The following FRMD6 variants were observed in gnomAD, a reference collection of about 807,000 sequenced individuals.
FRMD6 encodes the protein FERM domain containing 6, also known as FERM domain-containing protein 6.
FRMD6 carries 37 observed loss-of-function variants against 73.2 expected under a neutral mutation model. The observed-to-expected ratio is 0.51, with a 90% confidence interval of 0.39 to 0.66. The LOEUF is 0.66. Among genes scored for constraint, FRMD6 ranks in the 30% least tolerant of loss-of-function variants. The pLI, the probability that FRMD6 is intolerant of heterozygous loss-of-function variation, is 0.00. For synonymous variants in FRMD6, 273 were observed against 282.2 expected (o/e 0.97, Z 0.33); for missense variants, 714 against 780.5 (o/e 0.91, Z 1.02).
intron 1 of FRMD6, among the ~76,000 whole-genome samples, chr14:51,561,405 T>G (rs963373652): frequency 6.6e-6 from 1 of 152,190 alleles, no homozygotes; most frequent in Non-Finnish European, 1.5e-5. Context: ...GGAAGGGACC[T>G]CCTTTGTACT....
the FRMD6 span, among the ~76,000 whole-genome samples, chr14:51,467,111 G>C: frequency 6.6e-6 from 1 of 152,014 alleles, no homozygotes; most frequent in African/African-American, 2.4e-5. Flanking sequence ...AGAGGGCCCT[G>C]CCGCCTTCCG....
At chr14:51,547,125 A>T (rs888066985) in intron 1 of FRMD6, among the ~76,000 whole-genome samples, 3 of 152,192 alleles carry the variant, frequency 2.0e-5, no homozygotes, top group African/African-American at 7.2e-5. Context: ...GTTGGCATTT[A>T]AAAATTCCAC....
In FRMD6 at chr14:51,701,191, G is replaced by T. The variant is rs1566577740; in HGVS notation, c.294+32G>T. On this transcript the variant is annotated intron_variant, in intron 4 of 13. Coordinates refer to ENST00000344768, the MANE Select transcript of FRMD6 (RefSeq NM_001267046.2). ...TTACATTTATAAGCAAAATTATTTT[G>T]ATTTTTTTTAAAAAATGTTTATTTT... The T allele has an allele frequency of 8.3e-6, 11 of 1,327,956 alleles. No homozygotes were observed. The East Asian group carries it at 2.0e-4, about 25-fold the overall frequency. The allele number at this position is 1,327,956 out of a possible 1,614,324, so 82.3% of individuals were successfully genotyped here. A position where few individuals can be genotyped will look rare whatever the true frequency, so the allele number is the denominator to read the frequency against.
At chr14:51,680,711 A>T (rs1023788759) in intron 1 of FRMD6, among the ~76,000 whole-genome samples, 3 of 151,880 alleles carry the variant, frequency 2.0e-5, no homozygotes, top group African/African-American at 7.3e-5. Context: ...TATAGTGGGT[A>T]TTTGTGATTT....
chr14:51,521,637 C>T (rs1330228451), intron 1 of FRMD6, among the ~76,000 whole-genome samples: 3 of 150,908 alleles, frequency 2.0e-5, no homozygotes, highest in East Asian at 1.9e-4. Flanking sequence ...TTGATAGACG[C>T]GGGCAGGTTA....
At chr14:51,723,414 G>A (rs955353202) in intron 12 of FRMD6, among the ~76,000 whole-genome samples, 4 of 152,082 alleles carry the variant, frequency 2.6e-5, no homozygotes, top group Admixed American at 6.6e-5. Context: ...TAAAATTTAA[G>A]TAAAAAGCCT....
At chr14:51,488,129 C>G (rs150263179), upstream of FRMD6, among the ~76,000 whole-genome samples, 27 of 152,280 alleles carry the variant, frequency 1.8e-4, no homozygotes, top group East Asian at 4.8e-3. Context: ...TGATTAGAAA[C>G]CACAGCAGAA....
chr14:51,677,285 A>T (rs1414702712), intron 1 of FRMD6, among the ~76,000 whole-genome samples: 4 of 152,136 alleles, frequency 2.6e-5, no homozygotes, highest in Admixed American at 2.0e-4. Context: ...TTTGGGAAGA[A>T]GTATTTCAGG....
At chr14:51,544,138 A>G (rs1443304970) in intron 1 of FRMD6, among the ~76,000 whole-genome samples, 1 of 152,008 alleles carries the variant, frequency 6.6e-6, no homozygotes, top group African/African-American at 2.4e-5. Context: ...CAGACATTAT[A>G]TTATTTCATC....
upstream of FRMD6, among the ~76,000 whole-genome samples, chr14:51,484,480 C>T (rs983252346): frequency 1.1e-4 from 16 of 151,936 alleles, no homozygotes; most frequent in African/African-American, 3.4e-4. Context: ...TGCAACATAA[C>T]GAACAAGAAA....
chr14:51,456,288 C>T, the FRMD6 span, among the ~76,000 whole-genome samples: 1 of 152,192 alleles, frequency 6.6e-6, no homozygotes, highest in East Asian at 1.9e-4. Flanking sequence ...TCTCATAATG[C>T]CATCCCTCCC....
intron 1 of FRMD6, among the ~76,000 whole-genome samples, chr14:51,569,514 T>C (rs1176359740): frequency 1.3e-5 from 2 of 148,824 alleles, no homozygotes; most frequent in South Asian, 2.1e-4. Flanking sequence ...TTTCTTTTTT[T>C]TTTTTTTTTT....
intron 1 of FRMD6, among the ~76,000 whole-genome samples, chr14:51,513,953 T>A (rs1478410769): frequency 6.6e-6 from 1 of 152,208 alleles, no homozygotes; most frequent in Middle Eastern, 3.2e-3. Context: ...ATTATAAACA[T>A]CTCTAAGCCT....
intron 2 of FRMD6, among the ~76,000 whole-genome samples, chr14:51,606,438 T>C (rs1890260087): frequency 6.6e-6 from 1 of 152,164 alleles, no homozygotes; most frequent in African/African-American, 2.4e-5. Context: ...TGCTGGGCAC[T>C]CTGCAGGCCT....
chr14:51,440,225 A>T, the FRMD6 span, among the ~76,000 whole-genome samples: 1 of 152,270 alleles, frequency 6.6e-6, no homozygotes, highest in Non-Finnish European at 1.5e-5. Context: ...ATCTTGAGTC[A>T]TGAAGGAAAG....
chr14:51,679,513 T>A (rs1471150384), intron 1 of FRMD6, among the ~76,000 whole-genome samples: 2 of 150,780 alleles, frequency 1.3e-5, no homozygotes, highest in African/African-American at 4.9e-5. Flanking sequence ...GGCTTAATGT[T>A]TGGAAAGATT....
At chr14:51,712,398 T>G (rs748686625) in intron 8 of FRMD6, 85 bp from the exon 9 acceptor site, 3 of 782,750 alleles carry the variant, frequency 3.8e-6, no homozygotes, top group Non-Finnish European at 6.6e-6. Context: ...ATTACTGTAT[T>G]TTGGTTTTCA....
At chr14:51,705,006 T>C in intron 6 of FRMD6, 71 bp downstream of exon 6, 1 of 1,367,046 alleles carries the variant, frequency 7.3e-7, no homozygotes. Context: ...TTGCTACTCA[T>C]ACTCTTTAAG....
chr14:51,643,277 G>A (rs1021207107), intron 2 of FRMD6, among the ~76,000 whole-genome samples: 42 of 152,302 alleles, frequency 2.8e-4, no homozygotes, highest in Non-Finnish European at 5.1e-4. Context: ...ATTTCAGAGT[G>A]GGATGAGGAA....
Sources: gnomAD v4.1 joint callset for allele counts (sites outside exome capture counted in the v4.1 genomes callset) on GRCh38, gnomAD v4.1.1 for gene constraint, MANE v1.5 for transcripts, NCBI Gene and HGNC (gene_info 2026-07-23, HGNC 2026-07-21) for gene names.